Variants in DNAH14 observed in about 807,000 individuals in gnomAD.
DNAH14 encodes the protein axonemal beta dynein heavy chain 14.
DNAH14 carries 478 observed loss-of-function variants against 520.9 expected under a neutral mutation model. The observed-to-expected ratio is 0.92, with a 90% confidence interval of 0.85 to 0.99. The LOEUF (loss-of-function observed/expected upper bound fraction) is 0.99, where lower values mean the gene tolerates loss of function less well. Among genes scored for constraint, DNAH14 ranks in the 50% least tolerant of loss-of-function variants. The pLI, the probability that DNAH14 is intolerant of heterozygous loss-of-function variation, is 0.00. For missense variants in DNAH14, 4,831 were observed against 5,234.5 expected, an observed-to-expected ratio of 0.92 and a Z score of 2.38; for synonymous variants, 1,581 against 1,757.2, an observed-to-expected ratio of 0.90 and a Z score of 2.51.
chr1:225,014,282 C>T (rs1313435238), intron 10 of DNAH14, among the ~76,000 whole-genome samples: 1 of 152,164 alleles, frequency 6.6e-6, no homozygotes, highest in Non-Finnish European at 1.5e-5. Context: ...CTTTGGGCTG[C>T]ACCCACTGTC....
chr1:225,246,684 A>T (rs2092301343), intron 43 of DNAH14, among the ~76,000 whole-genome samples: 1 of 152,244 alleles, frequency 6.6e-6, no homozygotes, highest in African/African-American at 2.4e-5. Flanking sequence ...ATGAGATGCC[A>T]TCTCACTCCA....
intron 54 of DNAH14, among the ~76,000 whole-genome samples, chr1:225,289,151 A>G (rs912485567): frequency 4.6e-5 from 7 of 152,158 alleles, no homozygotes; most frequent in Non-Finnish European, 7.4e-5. Flanking sequence ...TACACATACA[A>G]CATGAAAGAA....
chr1:225,255,137 G>A (rs149334977), intron 44 of DNAH14, among the ~76,000 whole-genome samples: 2 of 152,178 alleles, frequency 1.3e-5, no homozygotes, highest in East Asian at 1.9e-4. Flanking sequence ...TGGGCAGGGG[G>A]TAGTTATTGG....
At chr1:225,152,185 C>A in intron 32 of DNAH14, 112 bp downstream of exon 32, 1 of 909,974 alleles carries the variant, frequency 1.1e-6, no homozygotes, top group Non-Finnish European at 1.7e-6. Context: ...TCTGTCTCCA[C>A]CATCCTCTGA....
At chr1:225,287,008 T>G (rs2093762069) in intron 54 of DNAH14, among the ~76,000 whole-genome samples, 1 of 152,172 alleles carries the variant, frequency 6.6e-6, no homozygotes, top group Non-Finnish European at 1.5e-5. Flanking sequence ...TGATTCCACT[T>G]ATATGACATT....
At chr1:225,050,036 T>C (rs2068390710) in intron 15 of DNAH14, among the ~76,000 whole-genome samples, 174 bp from the exon 16 acceptor site, 1 of 152,220 alleles carries the variant, frequency 6.6e-6, no homozygotes, top group Non-Finnish European at 1.5e-5. Context: ...TTCTATAGTA[T>C]TAAATCTAAA....
At chr1:224,996,810 A>G (rs1442780232) in intron 8 of DNAH14, among the ~76,000 whole-genome samples, 1 of 152,186 alleles carries the variant, frequency 6.6e-6, no homozygotes, top group African/African-American at 2.4e-5. Flanking sequence ...CTTAGTAGAA[A>G]TACACAGATG....
intron 60 of DNAH14, among the ~76,000 whole-genome samples, chr1:225,316,748 C>G (rs1558361541): frequency 1.3e-5 from 2 of 152,188 alleles, no homozygotes; most frequent in Non-Finnish European, 2.9e-5. Context: ...AATCACCCAC[C>G]TTCTGCGTTG....
chr1:225,335,755 A>G lies in DNAH14; in HGVS notation c.10081-1511A>G, dbSNP rs1486465707. Among the ~76,000 whole-genome samples the G allele has an allele frequency of 9.7e-5, 9 of 93,068 alleles. 3 individuals carry two copies. The highest frequency in any genetic ancestry group is 1.9e-4 in the Non-Finnish European group (9 of 46,384). The allele number at this position is 93,068 out of a possible 152,430, so 61.1% of individuals were successfully genotyped here. A position where few individuals can be genotyped will look rare whatever the true frequency, so the allele number is the denominator to read the frequency against. ...TGTGCATATATGTATATACGCATAT[A>G]TACATACATGTGCATATGTGCATAT... On this transcript the variant is annotated intron_variant, in intron 66 of 85. Coordinates refer to ENST00000682510, the MANE Select transcript of DNAH14 (RefSeq NM_001367479.1).
intron 23 of DNAH14, among the ~76,000 whole-genome samples, chr1:225,104,828 A>G (rs1314468212): frequency 6.6e-6 from 1 of 151,926 alleles, no homozygotes; most frequent in Non-Finnish European, 1.5e-5. Flanking sequence ...GATCTTTTCA[A>G]AAAACCAGCT....
Position 225,125,246 on chromosome 1 carries a change from G to T in DNAH14, c.4254+1632G>T, listed in dbSNP as rs186667356. Among the ~76,000 whole-genome samples the T allele has an allele frequency of 1.1e-3, 160 of 152,284 alleles. 3 individuals carry two copies. Among genetic ancestry groups the T allele is most frequent in the Admixed American group, 9.2e-3 (141 of 15,278 alleles). Reference sequence around the variant, plus strand: ...CAATTTAGAGTCACAGGTTGCATTAGCCTCTAACAAGAGAATCAGCCTGTC... The same window carrying T: ...CAATTTAGAGTCACAGGTTGCATTATCCTCTAACAAGAGAATCAGCCTGTC... On this transcript the variant is annotated intron_variant, in intron 27 of 85. Transcript: ENST00000682510.
chr1:225,388,716 G>T (rs1040912602), intron 82 of DNAH14, among the ~76,000 whole-genome samples: 13 of 152,128 alleles, frequency 8.5e-5, no homozygotes, highest in African/African-American at 3.1e-4. Context: ...CTACAACATA[G>T]TACATTTCTC....
At chr1:224,986,318 T>TAA (rs59261709) in intron 8 of DNAH14, among the ~76,000 whole-genome samples, 31 of 87,864 alleles carry the variant, frequency 3.5e-4, no homozygotes, top group African/African-American at 8.2e-4. Context: ...AAAGGCTTAT[T>TAA]AAAAAAAAAA....
chr1:225,087,701 G>A (rs2073966003), intron 21 of DNAH14, among the ~76,000 whole-genome samples: 1 of 152,218 alleles, frequency 6.6e-6, no homozygotes, highest in South Asian at 2.1e-4. Flanking sequence ...AAGGTCTGGA[G>A]AACCAATGGA....
chr1:225,199,052 C>A (rs2086496004), intron 38 of DNAH14, among the ~76,000 whole-genome samples: 1 of 152,090 alleles, frequency 6.6e-6, no homozygotes, highest in South Asian at 2.1e-4. Flanking sequence ...GTATCTAATT[C>A]TTCCTTATTT....
At chr1:225,200,497 T>C (rs955389220) in intron 38 of DNAH14, among the ~76,000 whole-genome samples, 5 of 152,198 alleles carry the variant, frequency 3.3e-5, no homozygotes, top group African/African-American at 4.8e-5. Flanking sequence ...TGTTTCAAGA[T>C]TTAGAGCTCC....
At chr1:225,326,738 GTGTT>G (rs925084198) in intron 64 of DNAH14, among the ~76,000 whole-genome samples, 6 of 152,056 alleles carry the variant, frequency 3.9e-5, no homozygotes, top group African/African-American at 9.7e-5. Flanking sequence ...TTTAATGAAA[GTGTT>G]TGTTCCTTTT....
chr1:225,144,469 T>C lies in DNAH14; in HGVS notation c.4581T>C (p.Tyr1527=), dbSNP rs772820827. ...YVSQGNASFT[Y]GYEYLGCTSR... Reference sequence around the variant, plus strand: ...CTCAAGGAAATGCCAGCTTTACTTATGGCTATGAGTACTTGGGCTGTACCT... The same window carrying C: ...CTCAAGGAAATGCCAGCTTTACTTACGGCTATGAGTACTTGGGCTGTACCT... Residue 1527 remains tyrosine (Y), a synonymous_variant, in exon 29 of 86, where the codon TAT becomes TAC. Coordinates refer to ENST00000682510, the MANE Select transcript of DNAH14 (RefSeq NM_001367479.1). 4.1e-5 allele frequency: 63 copies of C among 1,551,506 alleles called. No homozygotes were observed. The highest frequency in any genetic ancestry group is 5.1e-5 in the Non-Finnish European group (58 of 1,146,982).
intron 1 of DNAH14, among the ~76,000 whole-genome samples, chr1:224,943,875 T>A (rs1558469308): frequency 6.6e-6 from 1 of 152,208 alleles, no homozygotes; most frequent in Admixed American, 6.5e-5. Flanking sequence ...TGTTATAATT[T>A]CTGTTCTTTT....
Sources: allele counts gnomAD v4.1 joint callset (sites outside exome capture counted in the v4.1 genomes callset), GRCh38; gene constraint gnomAD v4.1.1; transcripts MANE v1.5; gene names NCBI Gene and HGNC (gene_info 2026-07-23, HGNC 2026-07-21).